Variants in DSG4 observed in about 807,000 individuals in gnomAD.
DSG4 encodes the protein desmoglein 4, also known as desmoglein-4.
Under a neutral mutation model 93.1 loss-of-function variants are expected in DSG4, and 87 were observed. That is an observed-to-expected ratio of 0.93 (90% CI 0.79 to 1.12). DSG4 has a LOEUF of 1.12. Among genes scored for constraint, DSG4 ranks in the 50% most tolerant of loss-of-function variants. The pLI is 0.00. For missense variants in DSG4, 1,373 were observed against 1,285.7 expected (o/e 1.07, Z -1.04); for synonymous variants, 432 against 452.9 (o/e 0.95, Z 0.59).
intron 14 of DSG4, among the ~76,000 whole-genome samples, chr18:31,410,955 C>G (rs938751051): frequency 4.1e-4 from 63 of 152,116 alleles, no homozygotes; most frequent in African/African-American, 1.4e-3. Context: ...TTGTAGTTCT[C>G]TTGGCTAGTT....
intron 11 of DSG4, among the ~76,000 whole-genome samples, chr18:31,405,018 A>T (rs2072409054): frequency 6.6e-6 from 1 of 152,198 alleles, no homozygotes. Flanking sequence ...AATGAATTTC[A>T]CTTAATGTGC....
Position 31,413,461 on chromosome 18 carries a change from G to A in DSG4, c.2989G>A (p.Val997Ile), listed in dbSNP as rs1160441097. 1.2e-6 allele frequency: 2 copies of A among 1,612,032 alleles called. No homozygotes were observed. The highest frequency in any genetic ancestry group is 2.2e-5 in the East Asian group (1 of 44,848). ...ACCTGTGATGAGCGGCAATATTTTAGTAGGGCCAGAAATTCAAGTGATGCA... is the reference window on the plus strand; with the variant it reads ...ACCTGTGATGAGCGGCAATATTTTAATAGGGCCAGAAATTCAAGTGATGCA... Reference protein sequence around the residue: ...MGPVMSGNILVGPEIQVMQMM... With the variant: ...MGPVMSGNILIGPEIQVMQMM... Residue 997 changes from valine to isoleucine, a missense_variant, in exon 16 of 16, where the codon GTA becomes ATA. By Grantham distance (29) the Val-to-Ile change is conservative (BLOSUM62 3). Transcript: ENST00000308128.
rs1439429618 is a variant in DSG4 at position 31,386,677 on chromosome 18, T to A, written c.85-11T>A. 2 of 1,612,788 alleles carry A rather than the reference T, an allele frequency of 1.2e-6. No individual in the cohort carries two copies. The highest frequency in any genetic ancestry group is 2.2e-5 in the East Asian group (1 of 44,842). On this transcript the variant is annotated splice_polypyrimidine_tract_variant and intron_variant, in intron 2 of 15. Transcript: ENST00000308128. ...TCACACTGTAAGACACCTGAACCAT[T>A]TTTGCTTAAGGTGAAGGAATTTGAC...
At chr18:31,378,856 T>A (rs1377082019) in intron 1 of DSG4, among the ~76,000 whole-genome samples, 1 of 152,174 alleles carries the variant, frequency 6.6e-6, no homozygotes, top group East Asian at 1.9e-4. Context: ...AAAGTAGACA[T>A]GCCTACTTCT....
At chr18:31,409,405 A>G (rs950992705) in intron 12 of DSG4, 47 bp from the exon 13 acceptor site, 1 of 1,613,326 alleles carries the variant, frequency 6.2e-7, no homozygotes, top group Non-Finnish European at 8.5e-7. Context: ...GTGACTTCCT[A>G]AACCGAGCAA....
chr18:31,391,301 C>A, intron 7 of DSG4, 89 bp downstream of exon 7: 3 of 1,572,602 alleles, frequency 1.9e-6, no homozygotes, highest in South Asian at 1.1e-5. Context: ...GGCTCATGAG[C>A]CTGGTTCTGT....
chr18:31,406,230 ACT>A lies in DSG4; in HGVS notation c.1793_1794del (p.Ser598TrpfsTer13), dbSNP rs1250646987. On this transcript the variant is annotated frameshift_variant, in exon 12 of 16. Transcript: ENST00000308128. LOFTEE classifies it high-confidence loss of function. Reference sequence around the variant, plus strand: ...TGCGATGACAACCACATGTGCCTGGACTCTGGTGCCGCGGGCATCTACACAGA... The same window carrying A: ...TGCGATGACAACCACATGTGCCTGGACTGGTGCCGCGGGCATCTACACAGA... The A allele has an allele frequency of 6.2e-7, 1 of 1,614,084 alleles. No homozygotes were observed. Among genetic ancestry groups the A allele is most frequent in the Non-Finnish European group, 8.5e-7 (1 of 1,180,016 alleles).
chr18:31,407,436 A>C (rs2072439878), intron 12 of DSG4, among the ~76,000 whole-genome samples: 1 of 152,082 alleles, frequency 6.6e-6, no homozygotes, highest in Non-Finnish European at 1.5e-5. Context: ...CCAAACAAAA[A>C]TTTCCCAAAA....
chr18:31,395,875 T>C (rs2072299876), intron 8 of DSG4, among the ~76,000 whole-genome samples: 1 of 152,066 alleles, frequency 6.6e-6, no homozygotes, highest in Admixed American at 6.6e-5. Context: ...GTAATTCCAG[T>C]TACTTGGGAG....
chr18:31,413,396 C>T lies in DSG4; in HGVS notation c.2924C>T (p.Pro975Leu). ...AGAGTACTGGCTAGTCCTGGTGTGC[C>T]TGACATGAGCAATAGTAGCACGACT... is the stretch of plus-strand genomic sequence containing the variant. ...AERVLASPGVPDMSNSSTTEG... is the reference protein window; with the variant it reads ...AERVLASPGVLDMSNSSTTEG... Residue 975 changes from proline (P) to leucine (L), a missense_variant, in exon 16 of 16, where the codon CCT becomes CTT. Physicochemically the swap from Pro to Leu is moderately conservative, Grantham distance 98 (BLOSUM62 -3). Transcript: ENST00000308128. 6.2e-7 allele frequency: 1 copy of T among 1,613,908 alleles called. No individual in the cohort carries two copies. Among genetic ancestry groups the T allele is most frequent in the East Asian group, 2.2e-5 (1 of 44,856 alleles).
chr18:31,384,260 T>C (rs1419919209), intron 1 of DSG4, among the ~76,000 whole-genome samples: 2 of 152,196 alleles, frequency 1.3e-5, no homozygotes, highest in African/African-American at 2.4e-5. Context: ...GCATTGAAAT[T>C]TCAATATTTG....
intron 5 of DSG4, 110 bp downstream of exon 5, chr18:31,389,128 T>G: frequency 7.9e-7 from 1 of 1,267,806 alleles, no homozygotes; most frequent in Non-Finnish European, 1.1e-6. Flanking sequence ...AAGCCACACT[T>G]GTATTTTGAA....
At position 31,377,462 on chromosome 18, in the gene DSG4, A is replaced by G. The variant is rs759129896; in HGVS notation, c.48+503A>G. ...TACTAAAGTCATGAGAACTTTTTCC[A>G]GTCAGATATTGCTAAAGAAAAATGA... On this transcript the variant is annotated intron_variant, in intron 1 of 15. Coordinates refer to ENST00000308128, the MANE Select transcript of DSG4 (RefSeq NM_177986.5). Among the ~76,000 whole-genome samples the G allele has an allele frequency of 6.7e-4, 102 of 152,192 alleles. 2 individuals are homozygous for G. The highest frequency in any genetic ancestry group is 1.9e-4 in the Non-Finnish European group (13 of 68,022).
In DSG4 at chr18:31,411,410, G is replaced by A; in HGVS notation, c.2317G>A (p.Asp773Asn). The A allele has an allele frequency of 6.2e-7, 1 of 1,611,338 alleles. No individual in the cohort carries two copies. Among genetic ancestry groups the A allele is most frequent in the Non-Finnish European group, 8.5e-7 (1 of 1,179,928 alleles). Residue 773 changes from aspartate (D) to asparagine (N), a missense_variant, in exon 15 of 16, where the codon GAC becomes AAC. By Grantham distance (23) the Asp-to-Asn change is conservative. Transcript: ENST00000308128. ...AACCCTGCGGGACTACGCTGACGCA[G>A]ACATCAACATGGCTTTCTTGGACAG... is the stretch of plus-strand genomic sequence containing the variant. The part of the protein sequence containing the change: ...MGTLRDYADA[D>N]INMAFLDSYF...
intron 8 of DSG4, among the ~76,000 whole-genome samples, chr18:31,395,944 T>G (rs1473009656): frequency 6.6e-6 from 1 of 152,028 alleles, no homozygotes; most frequent in Non-Finnish European, 1.5e-5. Context: ...AAATAAGGAT[T>G]TATTGAGAAT....
chr18:31,413,441 T>C lies in DSG4; in HGVS notation c.2969T>C (p.Val990Ala). Reference protein sequence around the residue: ...SSTTEGCMGPVMSGNILVGPE... With the variant: ...SSTTEGCMGPAMSGNILVGPE... Reference sequence around the variant, plus strand: ...ACGACTGAGGGTTGTATGGGACCTGTGATGAGCGGCAATATTTTAGTAGGG... The same window carrying C: ...ACGACTGAGGGTTGTATGGGACCTGCGATGAGCGGCAATATTTTAGTAGGG... The change falls in exon 16 of 16, where the codon GTG (valine) becomes GCG (alanine). Residue 990 changes from valine to alanine, a missense_variant. Physicochemically the swap from Val to Ala is moderately conservative, Grantham distance 64 (BLOSUM62 0). Transcript: ENST00000308128. 1 of 1,612,790 alleles carries C rather than the reference T, an allele frequency of 6.2e-7. No individual in the cohort carries two copies. Among genetic ancestry groups the C allele is most frequent in the South Asian group, 1.1e-5 (1 of 91,056 alleles).
At position 31,388,468 on chromosome 18, in the gene DSG4, T is replaced by C. The variant is rs1479888587; in HGVS notation, c.318T>C (p.Thr106=). 1 of 1,613,454 alleles carries C rather than the reference T, an allele frequency of 6.2e-7. No homozygotes were observed. The highest frequency in any genetic ancestry group is 8.5e-7 in the Non-Finnish European group (1 of 1,179,646). The change falls in exon 4 of 16, where the codon ACT becomes ACC. Residue 106 remains threonine, a synonymous_variant. Transcript: ENST00000308128. Reference sequence around the variant, plus strand: ...GGGTATTCACCATTAATCCTCGCACTGGGGAAATTAACATCACTTCAGTGG... The same window carrying C: ...GGGTATTCACCATTAATCCTCGCACCGGGGAAATTAACATCACTTCAGTGG... ...PYGVFTINPR[T]GEINITSVVD... is the part of the protein sequence containing the mutation.
At chr18:31,392,764 A>T (rs1351800282) in intron 8 of DSG4, among the ~76,000 whole-genome samples, 1 of 152,210 alleles carries the variant, frequency 6.6e-6, no homozygotes, top group Non-Finnish European at 1.5e-5. Context: ...TTCATGCAGG[A>T]AATAAGGCTT....
intron 12 of DSG4, among the ~76,000 whole-genome samples, chr18:31,406,989 G>T (rs1480881360): frequency 6.6e-6 from 1 of 152,060 alleles, no homozygotes; most frequent in Non-Finnish European, 1.5e-5. Flanking sequence ...TGATAGCCAG[G>T]ATGGTCTTGA....
Sources: allele counts gnomAD v4.1 joint callset (sites outside exome capture counted in the v4.1 genomes callset), GRCh38; gene constraint gnomAD v4.1.1; transcripts MANE v1.5; gene names NCBI Gene and HGNC (gene_info 2026-07-23, HGNC 2026-07-21).